Variants in INPP5A observed in about 807,000 individuals in gnomAD.
INPP5A encodes the protein inositol polyphosphate-5-phosphatase A.
A neutral mutation model predicts 65.2 loss-of-function variants in INPP5A; 14 were observed. The observed-to-expected ratio is 0.21, with a 90% CI of 0.14 to 0.34. The LOEUF (loss-of-function observed/expected upper bound fraction) is 0.34, where lower values mean the gene tolerates loss of function less well. INPP5A is among the 10% of genes least tolerant of loss of function. The probability of loss-of-function intolerance (pLI) is 1.00; values close to 1 mark genes in which losing one functional copy is unlikely to be tolerated. For synonymous variants in INPP5A, 207 were observed against 208.3 expected (o/e 0.99, Z 0.05); for missense variants, 431 against 545.6 (o/e 0.79, Z 2.09).
intron 9 of INPP5A, among the ~76,000 whole-genome samples, chr10:132,735,976 G>A (rs1011143580): frequency 3.3e-5 from 5 of 152,208 alleles, no homozygotes; most frequent in South Asian, 2.1e-4. Context: ...TGTGCAAAGC[G>A]AAGAGACTGT....
intron 4 of INPP5A, among the ~76,000 whole-genome samples, chr10:132,655,513 A>C (rs764727249): frequency 2.6e-5 from 4 of 152,232 alleles, no homozygotes; most frequent in Non-Finnish European, 5.9e-5. Context: ...CCGAGAACAC[A>C]TCAGTCAGCG....
At chr10:132,738,380 G>C (rs923420494) in intron 9 of INPP5A, among the ~76,000 whole-genome samples, 1 of 152,216 alleles carries the variant, frequency 6.6e-6, no homozygotes, top group Non-Finnish European at 1.5e-5. Context: ...GACGAGGGCT[G>C]AGCTCTGTGT....
At chr10:132,579,715 G>A (rs141453682) in intron 1 of INPP5A, among the ~76,000 whole-genome samples, 56 of 152,264 alleles carry the variant, frequency 3.7e-4, no homozygotes, top group African/African-American at 1.3e-3. Flanking sequence ...ATACTCTGGT[G>A]CTGCCCAGGG....
At chr10:132,655,578 G>A (rs2072645250) in intron 4 of INPP5A, among the ~76,000 whole-genome samples, 1 of 152,204 alleles carries the variant, frequency 6.6e-6, no homozygotes, top group Non-Finnish European at 1.5e-5. Flanking sequence ...CCTGAACTCC[G>A]CTTCCAAGAG....
chr10:132,747,881 T>C (rs1233247503), intron 9 of INPP5A, among the ~76,000 whole-genome samples: 2 of 152,154 alleles, frequency 1.3e-5, no homozygotes, highest in Non-Finnish European at 2.9e-5. Flanking sequence ...AGACCCTGTC[T>C]CTACAAAAAT....
At chr10:132,734,057 A>C (rs1846133748) in intron 9 of INPP5A, among the ~76,000 whole-genome samples, 1 of 152,234 alleles carries the variant, frequency 6.6e-6, no homozygotes, top group African/African-American at 2.4e-5. Context: ...GGCTCAGTGC[A>C]GCTGGTGAAC....
intron 1 of INPP5A, among the ~76,000 whole-genome samples, chr10:132,582,886 A>C (rs772335246): frequency 6.6e-6 from 1 of 152,188 alleles, no homozygotes; most frequent in South Asian, 2.1e-4. Flanking sequence ...CCCTAACTTG[A>C]TTCTTGCAGA....
intron 7 of INPP5A, among the ~76,000 whole-genome samples, chr10:132,709,798 G>C (rs1490284650): frequency 3.3e-5 from 5 of 152,240 alleles, no homozygotes; most frequent in African/African-American, 1.2e-4. Flanking sequence ...TGAAGGTGCT[G>C]AGGGTCCCCT....
At chr10:132,613,687 G>C (rs1381941308) in intron 2 of INPP5A, among the ~76,000 whole-genome samples, 1 of 152,202 alleles carries the variant, frequency 6.6e-6, no homozygotes, top group Non-Finnish European at 1.5e-5. Flanking sequence ...GCCTGACTTT[G>C]TTTCTTAGGC....
At chr10:132,577,642 C>T (rs1307548098) in intron 1 of INPP5A, among the ~76,000 whole-genome samples, 2 of 152,124 alleles carry the variant, frequency 1.3e-5, no homozygotes, top group Non-Finnish European at 2.9e-5. Context: ...ACATTGAGAC[C>T]CTTGGAGGTG....
In INPP5A at chr10:132,675,778, CAATT is replaced by C. The variant is rs1344207627; in HGVS notation, c.307-14611_307-14608del. 3.3e-5 allele frequency among the ~76,000 whole-genome samples: 5 copies of C among 152,292 alleles called. No individual in the cohort carries two copies. The highest frequency in any genetic ancestry group is 3.9e-4 in the East Asian group (2 of 5,190). On this transcript the variant is annotated intron_variant, in intron 4 of 15. Transcript: ENST00000368594. This position sits in a 1 kb window ranked among gnomAD's most constrained non-coding sequence, Gnocchi z 4.2. Reference sequence around the variant, plus strand: ...CCTAATATAATGGACATTTAAAACTCAATTAAGGCTTTTGAGTAGAGTTTTATAT... The same window carrying C: ...CCTAATATAATGGACATTTAAAACTCAAGGCTTTTGAGTAGAGTTTTATAT...
chr10:132,741,532 A>G lies in INPP5A; in HGVS notation c.733-7985A>G, dbSNP rs570502954. ...AGCTGGAGGCTGCTGTCCACTCCAC[A>G]GAACCCTGGCCCTCGTCACACCCAG... On this transcript the variant is annotated intron_variant, in intron 9 of 15. Coordinates refer to ENST00000368594, the MANE Select transcript of INPP5A (RefSeq NM_005539.5). This position sits in a 1 kb window ranked among gnomAD's most constrained non-coding sequence, Gnocchi z 4.4. Among the ~76,000 whole-genome samples the G allele has an allele frequency of 1.1e-3, 165 of 152,264 alleles. No individual in the cohort carries two copies. Among genetic ancestry groups the G allele is most frequent in the African/African-American group, 3.4e-3 (142 of 41,556 alleles).
rs117781339 is a variant in INPP5A, at chr10:132,782,316, G to C, written c.*287G>C. The C allele has an allele frequency of 0.022, 8,021 of 358,372 alleles. 156 individuals are homozygous for C. Among genetic ancestry groups the C allele is most frequent in the South Asian group, 0.039 (1,793 of 46,052 alleles). 22.2% of individuals were successfully genotyped at this position (358,372 alleles called of 1,614,324 possible). A position where few individuals can be genotyped will look rare whatever the true frequency, so the allele number is the denominator to read the frequency against. ...CAAAACTCTAATAGACAGCAAAGAG[G>C]GTCTGTACCGTAGACTTCACAGTTT... On this transcript the variant is annotated 3_prime_UTR_variant, in exon 16 of 16. Coordinates refer to ENST00000368594, the MANE Select transcript of INPP5A (RefSeq NM_005539.5). The surrounding 1 kb of genome is among the most constrained non-coding windows in gnomAD (Gnocchi z 4.4).
At chr10:132,610,889 G>A (rs1435514586) in intron 2 of INPP5A, among the ~76,000 whole-genome samples, 2 of 152,208 alleles carry the variant, frequency 1.3e-5, no homozygotes, top group African/African-American at 2.4e-5. Flanking sequence ...GCTGAGGCCT[G>A]AACAGGAAAA....
rs572647443 is a variant in INPP5A at position 132,782,820 on chromosome 10, C to A, written c.*791C>A. On this transcript the variant is annotated 3_prime_UTR_variant, in exon 16 of 16. Coordinates refer to ENST00000368594, the MANE Select transcript of INPP5A (RefSeq NM_005539.5). The surrounding 1 kb of genome is among the most constrained non-coding windows in gnomAD (Gnocchi z 4.4). Reference sequence around the variant, plus strand: ...AATCGGCCCCACAGCACGTCTGCACCAGCGGGCCGTTACTCCCATGCCGTT... The same window carrying A: ...AATCGGCCCCACAGCACGTCTGCACAAGCGGGCCGTTACTCCCATGCCGTT... The A allele has an allele frequency of 1.3e-3, 196 of 152,296 alleles. No homozygotes were observed. The highest frequency in any genetic ancestry group is 9.7e-4 in the Non-Finnish European group (66 of 68,026). 9.4% of individuals were successfully genotyped at this position (152,296 alleles called of 1,614,324 possible).
chr10:132,599,998 GC>G (rs1273155822), intron 1 of INPP5A, among the ~76,000 whole-genome samples: 15 of 152,308 alleles, frequency 9.8e-5, no homozygotes, highest in Admixed American at 9.2e-4. Flanking sequence ...TTCTTCCTGG[GC>G]CTCTGGGCCT....
chr10:132,556,969 G>A (rs1447602260), intron 1 of INPP5A, among the ~76,000 whole-genome samples: 1 of 152,204 alleles, frequency 6.6e-6, no homozygotes, highest in Non-Finnish European at 1.5e-5. Context: ...TTACTGATGG[G>A]TGTAGAGAGG....
At chr10:132,690,114 A>G (rs1189572679) in intron 4 of INPP5A, among the ~76,000 whole-genome samples, 1 of 151,578 alleles carries the variant, frequency 6.6e-6, no homozygotes, top group Non-Finnish European at 1.5e-5. Context: ...CTCACCTGGG[A>G]AGGGTCTGGT....
At chr10:132,599,002 G>A (rs973998003) in intron 1 of INPP5A, among the ~76,000 whole-genome samples, 2 of 152,142 alleles carry the variant, frequency 1.3e-5, no homozygotes, top group African/African-American at 2.4e-5. Context: ...CCCATAACAG[G>A]TGGGAATTCT....
Sources: allele counts gnomAD v4.1 joint callset (sites outside exome capture counted in the v4.1 genomes callset), GRCh38; gene constraint gnomAD v4.1.1; non-coding constraint Gnocchi (gnomAD v3.1); transcripts MANE v1.5; gene names NCBI Gene and HGNC (gene_info 2026-07-23, HGNC 2026-07-21).